ANAPC5: variants seen among roughly 807,000 people sequenced by gnomAD.
ANAPC5 encodes the protein anaphase-promoting complex subunit 5.
In ANAPC5, 60 loss-of-function variants were observed where a neutral mutation model predicts 91.3. The ratio of observed to expected loss-of-function variants is 0.66; its 90% CI spans 0.53 to 0.81. ANAPC5 has a LOEUF of 0.81. ANAPC5 is among the 40% of genes least tolerant of loss of function. The pLI is 0.00. For missense variants in ANAPC5, 690 were observed against 931.5 expected (o/e 0.74, Z 3.37); for synonymous variants, 340 against 364.1 (o/e 0.93, Z 0.75).
chr12:121,352,242 G>C lies in ANAPC5; in HGVS notation c.99C>G (p.Tyr33Ter), dbSNP rs117683496. The C allele has an allele frequency of 1.3e-4, 215 of 1,614,178 alleles. No individual in the cohort carries two copies. Among genetic ancestry groups the C allele is most frequent in the Non-Finnish European group, 1.8e-4 (208 of 1,180,006 alleles). The change falls in exon 1 of 17, where the codon TAC becomes TAG. Residue 33 changes from tyrosine to a stop codon, truncating the protein, a stop_gained. Coordinates refer to ENST00000261819, the MANE Select transcript of ANAPC5 (RefSeq NM_016237.5). LOFTEE classifies it high-confidence loss of function. ...TCAGCAGCACCAGCACCGCGATCTTGTACGGCGTCACCCAGTCCTTGATGC... is the reference window on the plus strand; with the variant it reads ...TCAGCAGCACCAGCACCGCGATCTTCTACGGCGTCACCCAGTCCTTGATGC... Reference protein sequence around the residue: ...VFGIKDWVTPYKIAVLVLLNE... With the variant: ...VFGIKDWVTP
intron 5 of ANAPC5, among the ~76,000 whole-genome samples, chr12:121,339,464 T>C (rs1903361669): frequency 6.6e-6 from 1 of 152,134 alleles, no homozygotes; most frequent in Non-Finnish European, 1.5e-5. Flanking sequence ...ATTTGCCTTT[T>C]AATTTTTTAA....
At chr12:121,344,754 G>A (rs964487653) in intron 4 of ANAPC5, among the ~76,000 whole-genome samples, 1 of 152,114 alleles carries the variant, frequency 6.6e-6, no homozygotes, top group African/African-American at 2.4e-5. Flanking sequence ...ACTGATTGGA[G>A]TAGTCAAGAA....
At chr12:121,318,881 G>A (rs35252229) in intron 13 of ANAPC5, among the ~76,000 whole-genome samples, 6,390 of 152,152 alleles carry the variant, frequency 0.042, 168 homozygotes, top group South Asian at 0.082. Flanking sequence ...TTAGCTGGGC[G>A]TAGTGGTGGG....
Position 121,314,851 on chromosome 12 carries a change from G to A in ANAPC5, c.1893+3426C>T, listed in dbSNP as rs368249432. ...TCACCATGTTGTCCAGGCTGGTCTCGAACTCCTGGCCTTAAGTAATCTGCC... is the reference window on the plus strand; with the variant it reads ...TCACCATGTTGTCCAGGCTGGTCTCAAACTCCTGGCCTTAAGTAATCTGCC... On this transcript the variant is annotated intron_variant, in intron 15 of 16. Transcript: ENST00000261819. Among the ~76,000 whole-genome samples, 8 of 151,902 alleles carry A rather than the reference G, an allele frequency of 5.3e-5. No homozygotes were observed. In the East Asian group the frequency reaches 9.7e-4, roughly 18 times the overall value.
intron 6 of ANAPC5, among the ~76,000 whole-genome samples, chr12:121,336,797 C>T (rs1286689519): frequency 6.6e-6 from 1 of 152,218 alleles, no homozygotes; most frequent in African/African-American, 2.4e-5. Flanking sequence ...AAGAAGAAAT[C>T]GCCTATGGCC....
In ANAPC5 at chr12:121,313,199, G is replaced by A. The variant is rs183782885; in HGVS notation, c.1894-3336C>T. 1.1e-4 allele frequency among the ~76,000 whole-genome samples: 16 copies of A among 152,006 alleles called. No individual in the cohort carries two copies. In the East Asian group the frequency reaches 2.7e-3, roughly 26 times the overall value. Reference sequence around the variant, plus strand: ...AAATTAGCCAGGCGTGGTAGCATGCGCCTGTAATCCCAGCTACTCGGGAGG... The same window carrying A: ...AAATTAGCCAGGCGTGGTAGCATGCACCTGTAATCCCAGCTACTCGGGAGG... On this transcript the variant is annotated intron_variant, in intron 15 of 16. Coordinates refer to ENST00000261819, the MANE Select transcript of ANAPC5 (RefSeq NM_016237.5).
chr12:121,329,432 G>A (rs1448514757), intron 9 of ANAPC5, among the ~76,000 whole-genome samples: 3 of 152,150 alleles, frequency 2.0e-5, no homozygotes, highest in Non-Finnish European at 4.4e-5. Context: ...GATTATAGGT[G>A]TGAGCCACCA....
intron 11 of ANAPC5, among the ~76,000 whole-genome samples, chr12:121,324,182 T>C (rs997385592): frequency 6.6e-6 from 1 of 152,236 alleles, no homozygotes; most frequent in South Asian, 2.1e-4. Flanking sequence ...TGGAGACTCA[T>C]GATAAAGCTG....
chr12:121,331,638 G>A (rs1903047066), intron 7 of ANAPC5: 3 of 376,990 alleles, frequency 8.0e-6, no homozygotes, highest in Non-Finnish European at 1.5e-5. Context: ...CTCTTCTAAG[G>A]GGAATTGCTA....
At chr12:121,341,144 C>T (rs561694277) in intron 5 of ANAPC5, among the ~76,000 whole-genome samples, 1 of 150,122 alleles carries the variant, frequency 6.7e-6, no homozygotes, top group Admixed American at 6.6e-5. Context: ...GCCTCAGTGA[C>T]AGAGTGAGAC....
intron 10 of ANAPC5, chr12:121,327,536 C>CG: frequency 3.0e-6 from 1 of 331,996 alleles, no homozygotes; most frequent in Non-Finnish European, 5.5e-6. Flanking sequence ...TTAGTTTTCA[C>CG]GGGTGAATTC....
At chr12:121,312,101 A>T (rs1453609502) in intron 15 of ANAPC5, among the ~76,000 whole-genome samples, 2 of 152,238 alleles carry the variant, frequency 1.3e-5, no homozygotes, top group African/African-American at 4.8e-5. Flanking sequence ...ATTTAAGAGG[A>T]ATGAAATCAT....
chr12:121,339,657 C>T (rs35718230), intron 5 of ANAPC5, among the ~76,000 whole-genome samples: 6,378 of 151,910 alleles, frequency 0.042, 165 homozygotes, highest in South Asian at 0.082. Context: ...TTAATAGAGA[C>T]GGGGTTTCAC....
At chr12:121,317,580 AAGAATCACTG>A (rs1010131924) in intron 15 of ANAPC5, among the ~76,000 whole-genome samples, 11 of 152,140 alleles carry the variant, frequency 7.2e-5, no homozygotes, top group African/African-American at 2.7e-4. Flanking sequence ...GAAAAAAAAA[AAGAATCACTG>A]AGGAAGGTAG....
At chr12:121,330,874 T>G (rs1555272833) in intron 8 of ANAPC5, 1 of 500,932 alleles carries the variant, frequency 2.0e-6, no homozygotes. Flanking sequence ...AATGAGTCAT[T>G]GTTCTGCTTC....
At chr12:121,329,807 G>T (rs1902967157) in intron 9 of ANAPC5, among the ~76,000 whole-genome samples, 1 of 151,610 alleles carries the variant, frequency 6.6e-6, no homozygotes, top group African/African-American at 2.4e-5. Flanking sequence ...TAGAGAGAGG[G>T]TTTCACCATG....
intron 9 of ANAPC5, 99 bp downstream of exon 9, chr12:121,330,484 C>T: frequency 2.2e-6 from 2 of 907,664 alleles, no homozygotes; most frequent in South Asian, 3.3e-5. Context: ...CTTTGAAACC[C>T]ATTCTAAATC....
At chr12:121,318,652 T>C in intron 13 of ANAPC5, 44 bp from the exon 14 acceptor site, 1 of 1,478,154 alleles carries the variant, frequency 6.8e-7, no homozygotes, top group Non-Finnish European at 9.4e-7. Flanking sequence ...AACTAGTCAC[T>C]TTGAGGGTAA....
Position 121,349,941 on chromosome 12 carries a change from C to T in ANAPC5, c.208-2060G>A, listed in dbSNP as rs1052147426. On this transcript the variant is annotated intron_variant, in intron 1 of 16. Transcript: ENST00000261819. ...GGCCAGGCTGGTCTCGAACTCCTGA[C>T]CTCAAGTGATCCACCCACCTCAGCC... is the stretch of plus-strand genomic sequence containing the variant. 1.6e-4 allele frequency among the ~76,000 whole-genome samples: 24 copies of T among 151,958 alleles called. 1 individual carries two copies. The highest frequency in any genetic ancestry group is 5.8e-4 in the African/African-American group (24 of 41,372).
Sources: gnomAD v4.1 joint callset for allele counts (sites outside exome capture counted in the v4.1 genomes callset) on GRCh38, gnomAD v4.1.1 for gene constraint, MANE v1.5 for transcripts, NCBI Gene and HGNC (gene_info 2026-07-23, HGNC 2026-07-21) for gene names.